The following MARCHF7 variants were observed in gnomAD, a reference collection of about 807,000 sequenced individuals.
MARCHF7 encodes the protein membrane associated ring-CH-type finger 7, also known as E3 ubiquitin-protein ligase MARCHF7.
Under a neutral mutation model 76.5 loss-of-function variants are expected in MARCHF7, and 20 were observed. The ratio of observed to expected loss-of-function variants is 0.26; its 90% CI spans 0.18 to 0.38. The LOEUF (loss-of-function observed/expected upper bound fraction) is 0.38. Among genes scored for constraint, MARCHF7 ranks in the 10% least tolerant of loss-of-function variants. MARCHF7 has a pLI of 1.00. For synonymous variants in MARCHF7, 295 were observed against 293.0 expected, an observed-to-expected ratio of 1.01 and a Z score of -0.07; for missense variants, 797 against 812.9, an observed-to-expected ratio of 0.98 and a Z score of 0.24.
rs1397121746 is a variant in MARCHF7, at chr2:159,767,874, C to T, written c.*532C>T. 6.6e-5 allele frequency: 10 copies of T among 152,300 alleles called. No homozygotes were observed. The highest frequency in any genetic ancestry group is 6.6e-4 in the Admixed American group (10 of 15,238). 9.4% of individuals were successfully genotyped at this position (152,300 alleles called of 1,614,324 possible). On this transcript the variant is annotated 3_prime_UTR_variant, in exon 12 of 12. Coordinates refer to ENST00000409175, the MANE Select transcript of MARCHF7 (RefSeq NM_001282805.2). The stretch of plus-strand genomic sequence containing the variant: ...AATGGGGAGAAGGTTATGAGAAGAG[C>T]ATTATTAAGTTTCCAAATTTAATTT...
chr2:159,763,078 T>C (rs1308576204), intron 10 of MARCHF7, 85 bp downstream of exon 10: 1 of 672,210 alleles, frequency 1.5e-6, no homozygotes, highest in East Asian at 2.9e-5. Context: ...TATGTTGACA[T>C]CTTATTTCCT....
chr2:159,725,757 G>C (rs761097973), intron 3 of MARCHF7, among the ~76,000 whole-genome samples: 7 of 152,128 alleles, frequency 4.6e-5, no homozygotes, highest in Admixed American at 2.6e-4. Flanking sequence ...GGCCTTCCTT[G>C]ATTACATGGT....
chr2:159,752,010 G>C (rs930657993), intron 7 of MARCHF7, among the ~76,000 whole-genome samples: 1 of 152,154 alleles, frequency 6.6e-6, no homozygotes, highest in African/African-American at 2.4e-5. Flanking sequence ...CCTTTATACT[G>C]TTGGACTTGA....
intron 11 of MARCHF7, among the ~76,000 whole-genome samples, chr2:159,765,683 A>C (rs1265495323): frequency 6.6e-6 from 1 of 152,188 alleles, no homozygotes; most frequent in African/African-American, 2.4e-5. Flanking sequence ...TAGTCCTCAT[A>C]GGAACTTTTT....
At chr2:159,753,873 A>G (rs958016721) in intron 8 of MARCHF7, among the ~76,000 whole-genome samples, 4 of 152,220 alleles carry the variant, frequency 2.6e-5, no homozygotes, top group African/African-American at 4.8e-5. Flanking sequence ...CATCCAGTTC[A>G]GTAAATTGGA....
At position 159,748,168 on chromosome 2, in the gene MARCHF7, C is replaced by CT. The variant is rs1383130845; in HGVS notation, c.886dup (p.Ser296PhefsTer5). Reference sequence around the variant, plus strand: ...CGCATAGCTTCTAGCATGTCATCTACTTTTTTTTCACGAAGATCTAGTCAG... The same window carrying CT: ...CGCATAGCTTCTAGCATGTCATCTACTTTTTTTTTCACGAAGATCTAGTCAG... On this transcript the variant is annotated frameshift_variant, in exon 7 of 12. Coordinates refer to ENST00000409175, the MANE Select transcript of MARCHF7 (RefSeq NM_001282805.2). LOFTEE classifies it high-confidence loss of function. The CT allele has an allele frequency of 4.3e-6, 7 of 1,612,326 alleles. No homozygotes were observed. Among genetic ancestry groups the CT allele is most frequent in the Admixed American group, 1.7e-5 (1 of 59,650 alleles).
chr2:159,730,528 T>C (rs1272247942), intron 4 of MARCHF7, among the ~76,000 whole-genome samples: 2 of 152,206 alleles, frequency 1.3e-5, no homozygotes, highest in African/African-American at 4.8e-5. Flanking sequence ...TTATATGAAC[T>C]GTTTACCTGG....
At chr2:159,733,279 C>A in intron 4 of MARCHF7, 1 of 768,156 alleles carries the variant, frequency 1.3e-6, no homozygotes, top group Non-Finnish European at 1.6e-6. Flanking sequence ...TCACACTCAC[C>A]CAGGTTGGAG....
At chr2:159,750,138 T>C (rs1458448668) in intron 7 of MARCHF7, among the ~76,000 whole-genome samples, 1 of 152,208 alleles carries the variant, frequency 6.6e-6, no homozygotes, top group Non-Finnish European at 1.5e-5. Context: ...ACTCCTGGCT[T>C]CAAGCGATCC....
chr2:159,744,349 G>A (rs1009715976), intron 5 of MARCHF7, among the ~76,000 whole-genome samples: 1 of 152,140 alleles, frequency 6.6e-6, no homozygotes, highest in Non-Finnish European at 1.5e-5. Context: ...CTAGATGAGT[G>A]GCATTGGGCA....
chr2:159,714,882 C>T (rs1700858409), intron 2 of MARCHF7, among the ~76,000 whole-genome samples: 1 of 152,150 alleles, frequency 6.6e-6, no homozygotes, highest in Non-Finnish European at 1.5e-5. Flanking sequence ...TAGAGCTCCA[C>T]TGCACTCCAG....
intron 7 of MARCHF7, among the ~76,000 whole-genome samples, chr2:159,750,165 A>G (rs941583797): frequency 1.3e-5 from 2 of 152,116 alleles, no homozygotes; most frequent in African/African-American, 4.8e-5. Context: ...TTCAGCCTCC[A>G]AAAGTGCTGA....
chr2:159,760,865 CAG>C (rs768488483), intron 9 of MARCHF7, among the ~76,000 whole-genome samples: 3 of 152,054 alleles, frequency 2.0e-5, no homozygotes, highest in Non-Finnish European at 4.4e-5. Context: ...ATTGTAAAAA[CAG>C]TGACAGCCTT....
chr2:159,762,320 C>G (rs1707207872), intron 9 of MARCHF7, among the ~76,000 whole-genome samples: 1 of 152,224 alleles, frequency 6.6e-6, no homozygotes, highest in African/African-American at 2.4e-5. Flanking sequence ...TAAATTTCGT[C>G]TCAGTTTCTT....
intron 9 of MARCHF7, among the ~76,000 whole-genome samples, chr2:159,759,828 A>G (rs1421199752): frequency 2.0e-5 from 3 of 152,166 alleles, no homozygotes; most frequent in East Asian, 1.9e-4. Flanking sequence ...AGGTACTACA[A>G]TGGCTCACAC....
chr2:159,716,557 G>A (rs1701062534), intron 3 of MARCHF7, among the ~76,000 whole-genome samples: 1 of 152,034 alleles, frequency 6.6e-6, no homozygotes, highest in African/African-American at 2.4e-5. Flanking sequence ...GGCTGAGGTG[G>A]GAGGATCACT....
At chr2:159,742,923 C>A (rs1361296389) in intron 4 of MARCHF7, 138 bp from the exon 5 acceptor site, 4 of 749,320 alleles carry the variant, frequency 5.3e-6, no homozygotes, top group Non-Finnish European at 8.4e-6. Context: ...GGCAACAGAG[C>A]AAGACTCAGT....
At chr2:159,751,893 T>A (rs1705697749) in intron 7 of MARCHF7, among the ~76,000 whole-genome samples, 1 of 152,220 alleles carries the variant, frequency 6.6e-6, no homozygotes, top group African/African-American at 2.4e-5. Flanking sequence ...TAAACATGGT[T>A]CTGGTAACAT....
chr2:159,741,749 A>T (rs1213358373), intron 4 of MARCHF7, among the ~76,000 whole-genome samples: 3 of 152,228 alleles, frequency 2.0e-5, no homozygotes, highest in Non-Finnish European at 4.4e-5. Flanking sequence ...TCTTTAGCAT[A>T]ATAAACTATT....
Sources: gnomAD v4.1 joint callset for allele counts (sites outside exome capture counted in the v4.1 genomes callset) on GRCh38, gnomAD v4.1.1 for gene constraint, MANE v1.5 for transcripts, NCBI Gene and HGNC (gene_info 2026-07-23, HGNC 2026-07-21) for gene names.